ARHGAP22: variants seen among roughly 807,000 people sequenced by gnomAD.
ARHGAP22 encodes the protein rho GTPase-activating protein 22.
Under a neutral mutation model 59.1 loss-of-function variants are expected in ARHGAP22, and 48 were observed. The ratio of observed to expected loss-of-function variants is 0.81; its 90% CI spans 0.64 to 1.03. The LOEUF is 1.03. Ranked by LOEUF, ARHGAP22 falls within the 50% of genes least tolerant of loss-of-function variation. The pLI, the probability that ARHGAP22 is intolerant of heterozygous loss-of-function variation, is 0.00. For synonymous variants in ARHGAP22, 445 were observed against 416.4 expected (o/e 1.07, Z -0.84); for missense variants, 1,015 against 958.7 (o/e 1.06, Z -0.78).
intron 3 of ARHGAP22, among the ~76,000 whole-genome samples, chr10:48,545,323 C>T (rs925134367): frequency 1.2e-4 from 19 of 152,182 alleles, no homozygotes. Context: ...GGGACTCTTT[C>T]CAGGGAGCCT....
At chr10:48,599,405 C>T (rs943282583) in intron 1 of ARHGAP22, among the ~76,000 whole-genome samples, 1 of 152,178 alleles carries the variant, frequency 6.6e-6, no homozygotes, top group Non-Finnish European at 1.5e-5. Flanking sequence ...GCTCAACAGT[C>T]ATTAGTGTGG....
chr10:48,570,343 G>A (rs995540443), intron 2 of ARHGAP22, among the ~76,000 whole-genome samples: 1 of 152,152 alleles, frequency 6.6e-6, no homozygotes, highest in African/African-American at 2.4e-5. Context: ...ATTTCAAGTT[G>A]TCCCCCAGGA....
At chr10:48,551,807 TG>T (rs2056916081) in intron 3 of ARHGAP22, among the ~76,000 whole-genome samples, 1 of 152,248 alleles carries the variant, frequency 6.6e-6, no homozygotes, top group South Asian at 2.1e-4. Context: ...AGGTGTATGC[TG>T]TATCAAGTTC....
At chr10:48,524,004 C>G (rs921449798) in intron 3 of ARHGAP22, 44 of 1,437,736 alleles carry the variant, frequency 3.1e-5, no homozygotes, top group Non-Finnish European at 3.9e-5. Flanking sequence ...GGCTGGCAGC[C>G]TCTGGCGGCG....
At chr10:48,562,282 C>T (rs58254275) in intron 2 of ARHGAP22, among the ~76,000 whole-genome samples, 19,743 of 73,204 alleles carry the variant, frequency 0.27, 2,453 homozygotes, top group African/African-American at 0.46. Context: ...CCAGCCATTC[C>T]GCTCCTACAT....
intron 1 of ARHGAP22, among the ~76,000 whole-genome samples, chr10:48,590,484 C>T (rs1039497233): frequency 3.3e-5 from 5 of 152,138 alleles, no homozygotes; most frequent in African/African-American, 4.8e-5. Context: ...CGGAAGTGCC[C>T]CACCAGCTGA....
chr10:48,599,500 C>G (rs2060259409), intron 1 of ARHGAP22, among the ~76,000 whole-genome samples: 1 of 152,208 alleles, frequency 6.6e-6, no homozygotes, highest in African/African-American at 2.4e-5. Flanking sequence ...GGGAAGCTAC[C>G]CGAGCCTGCA....
At chr10:48,617,157 A>C (rs925077353) in intron 1 of ARHGAP22, among the ~76,000 whole-genome samples, 1 of 152,014 alleles carries the variant, frequency 6.6e-6, no homozygotes, top group African/African-American at 2.4e-5. Flanking sequence ...CTAAATTAAA[A>C]TATGATCCCC....
chr10:48,580,507 G>C (rs950979707), intron 2 of ARHGAP22, among the ~76,000 whole-genome samples: 1 of 152,212 alleles, frequency 6.6e-6, no homozygotes, highest in African/African-American at 2.4e-5. Flanking sequence ...ACAAAGTCCT[G>C]TTCCGAGGAG....
chr10:48,594,165 C>T (rs2059930839), intron 1 of ARHGAP22, among the ~76,000 whole-genome samples: 1 of 152,232 alleles, frequency 6.6e-6, no homozygotes, highest in Admixed American at 6.5e-5. Flanking sequence ...GTCAGAGCCT[C>T]TGCCTGCATG....
intron 4 of ARHGAP22, among the ~76,000 whole-genome samples, chr10:48,465,935 G>A (rs1256000160): frequency 1.3e-5 from 2 of 152,130 alleles, no homozygotes; most frequent in Non-Finnish European, 2.9e-5. Flanking sequence ...GGCCAACTCT[G>A]TCACTTCCAG....
intron 3 of ARHGAP22, among the ~76,000 whole-genome samples, chr10:48,512,783 C>G (rs1451228921): frequency 6.6e-6 from 1 of 152,204 alleles, no homozygotes; most frequent in East Asian, 1.9e-4. Flanking sequence ...TCCAGAGCTT[C>G]CAACATTTCA....
intron 9 of ARHGAP22, among the ~76,000 whole-genome samples, chr10:48,449,195 T>A (rs944043199): frequency 6.6e-6 from 1 of 152,176 alleles, no homozygotes; most frequent in African/African-American, 2.4e-5. Context: ...GCAGATAGCA[T>A]CTTCTACTAT....
At chr10:48,602,267 G>T (rs1306494306) in intron 1 of ARHGAP22, among the ~76,000 whole-genome samples, 1 of 152,092 alleles carries the variant, frequency 6.6e-6, no homozygotes, top group East Asian at 1.9e-4. Flanking sequence ...ATTCATCAAG[G>T]CTCCTGAGAC....
At chr10:48,554,480 C>T (rs1395676259) in intron 3 of ARHGAP22, among the ~76,000 whole-genome samples, 1 of 152,214 alleles carries the variant, frequency 6.6e-6, no homozygotes, top group East Asian at 1.9e-4. Context: ...CTAAATTCAG[C>T]TGACACTCTT....
chr10:48,499,699 T>A (rs746712778), intron 3 of ARHGAP22, among the ~76,000 whole-genome samples: 1 of 152,240 alleles, frequency 6.6e-6, no homozygotes, highest in Non-Finnish European at 1.5e-5. Context: ...AGGGTACTTG[T>A]TTATATGTGT....
At chr10:48,574,192 A>G (rs2058568325) in intron 2 of ARHGAP22, among the ~76,000 whole-genome samples, 1 of 152,178 alleles carries the variant, frequency 6.6e-6, no homozygotes, top group Non-Finnish European at 1.5e-5. Context: ...TAATACAAAT[A>G]TGGGTCACAC....
chr10:48,642,801 A>G (rs2062107396), intron 1 of ARHGAP22, among the ~76,000 whole-genome samples: 1 of 152,254 alleles, frequency 6.6e-6, no homozygotes, highest in Non-Finnish European at 1.5e-5. Flanking sequence ...ATGAACAGGC[A>G]ACCTACAGAA....
Position 48,450,702 on chromosome 10 carries a change from G to A in ARHGAP22, c.1427C>T (p.Ser476Leu), listed in dbSNP as rs1213814109. The change falls in exon 9 of 10, where the codon TCG (serine) becomes TTG (leucine). Residue 476 changes from serine to leucine, a missense_variant. Physicochemically the swap from Ser to Leu is moderately radical, Grantham distance 145. Transcript: ENST00000249601. Reference sequence around the variant, plus strand: ...GCCCGAGTCCTTGAGCCGGTCTCCCGACGAGGCCCGGCGGTGTCCGCGCAG... The same window carrying A: ...GCCCGAGTCCTTGAGCCGGTCTCCCAACGAGGCCCGGCGGTGTCCGCGCAG... ...SSLRGHRRAS[S>L]GDRLKDSGSV... The A allele has an allele frequency of 3.2e-6, 5 of 1,552,956 alleles. No homozygotes were observed. Among genetic ancestry groups the A allele is most frequent in the Middle Eastern group, 1.7e-4 (1 of 5,996 alleles).
Sources: gnomAD v4.1 joint callset for allele counts (sites outside exome capture counted in the v4.1 genomes callset) on GRCh38, gnomAD v4.1.1 for gene constraint, MANE v1.5 for transcripts, NCBI Gene and HGNC (gene_info 2026-07-23, HGNC 2026-07-21) for gene names.